AFG2A: variants seen among roughly 807,000 people sequenced by gnomAD.
AFG2A encodes the protein ATPase family gene 2 protein homolog A.
the AFG2A span, among the ~76,000 whole-genome samples, chr4:123,189,256 A>G: frequency 6.6e-6 from 1 of 151,952 alleles, no homozygotes; most frequent in African/African-American, 2.4e-5. Flanking sequence ...TTTTATAGGA[A>G]CTCTTTTTCA....
the AFG2A span, among the ~76,000 whole-genome samples, chr4:123,023,524 C>G: frequency 6.6e-6 from 1 of 152,182 alleles, no homozygotes; most frequent in Middle Eastern, 3.2e-3. Flanking sequence ...ATATTTCCTT[C>G]TAACTCTTTC....
the AFG2A span, among the ~76,000 whole-genome samples, chr4:123,109,140 A>G: frequency 2.6e-5 from 4 of 152,148 alleles, no homozygotes; most frequent in African/African-American, 9.7e-5. Flanking sequence ...GAAGTGGTAT[A>G]TGTGTGTCGG....
the AFG2A span, among the ~76,000 whole-genome samples, chr4:123,023,631 C>T: frequency 1.3e-5 from 2 of 152,130 alleles, no homozygotes; most frequent in Non-Finnish European, 2.9e-5. Flanking sequence ...CCTTGATAGT[C>T]ATATAAATTC....
At chr4:122,940,370 C>T in the AFG2A span, among the ~76,000 whole-genome samples, 1 of 152,162 alleles carries the variant, frequency 6.6e-6, no homozygotes, top group Non-Finnish European at 1.5e-5. Flanking sequence ...ATTTGCATTT[C>T]TCTGATGGCC....
At chr4:123,192,237 G>T in the AFG2A span, among the ~76,000 whole-genome samples, 1 of 152,102 alleles carries the variant, frequency 6.6e-6, no homozygotes, top group African/African-American at 2.4e-5. Context: ...ATGTTGGCCA[G>T]GCTGGTGTCT....
chr4:123,275,539 T>TTTGA, the AFG2A span, among the ~76,000 whole-genome samples: 1 of 152,124 alleles, frequency 6.6e-6, no homozygotes, highest in Non-Finnish European at 1.5e-5. Flanking sequence ...TGCAGGTTTG[T>TTTGA]TACATAGGTA....
the AFG2A span, among the ~76,000 whole-genome samples, chr4:123,149,230 T>G: frequency 6.6e-6 from 1 of 152,100 alleles, no homozygotes; most frequent in Admixed American, 6.5e-5. Flanking sequence ...CTAGATAAGA[T>G]GAGTCTTTGC....
chr4:123,193,918 C>T, the AFG2A span, among the ~76,000 whole-genome samples: 2 of 151,954 alleles, frequency 1.3e-5, no homozygotes, highest in Admixed American at 6.6e-5. Flanking sequence ...GACAAGAGGG[C>T]TTTAAAATGT....
chr4:123,275,572 A>C, the AFG2A span, among the ~76,000 whole-genome samples: 3 of 152,002 alleles, frequency 2.0e-5, no homozygotes, highest in Admixed American at 6.6e-5. Context: ...TGGGGGTTTC[A>C]TGTACAGATC....
chr4:123,204,711 A>G, the AFG2A span, among the ~76,000 whole-genome samples: 1 of 152,212 alleles, frequency 6.6e-6, no homozygotes, highest in Non-Finnish European at 1.5e-5. Flanking sequence ...ACAGTCATGA[A>G]TATCTCATAG....
At chr4:123,016,426 C>T in the AFG2A span, among the ~76,000 whole-genome samples, 18 of 146,342 alleles carry the variant, frequency 1.2e-4, no homozygotes, top group East Asian at 2.1e-4. Context: ...GGCAGAGACG[C>T]TCCTCACCTC....
the AFG2A span, among the ~76,000 whole-genome samples, chr4:123,149,762 A>T: frequency 1.6e-3 from 241 of 150,124 alleles, 1 homozygote; most frequent in Non-Finnish European, 2.5e-3. Flanking sequence ...AACATTTAAA[A>T]CTTTTGAATT....
chr4:123,119,579 C>T, the AFG2A span, among the ~76,000 whole-genome samples: 1 of 152,086 alleles, frequency 6.6e-6, no homozygotes, highest in East Asian at 1.9e-4. Context: ...CATTTTCAAA[C>T]TTGTTTATTC....
At chr4:123,138,655 T>G in the AFG2A span, among the ~76,000 whole-genome samples, 1 of 152,108 alleles carries the variant, frequency 6.6e-6, no homozygotes, top group Admixed American at 6.5e-5. Context: ...TAATTATCTA[T>G]TTTTTGTAAT....
At chr4:122,953,621 G>A in the AFG2A span, among the ~76,000 whole-genome samples, 9 of 152,326 alleles carry the variant, frequency 5.9e-5, no homozygotes, top group East Asian at 1.7e-3. Context: ...TGAACCTGAG[G>A]CTCCTTAGTG....
At chr4:123,199,282 A>G in the AFG2A span, among the ~76,000 whole-genome samples, 1 of 152,116 alleles carries the variant, frequency 6.6e-6, no homozygotes, top group Non-Finnish European at 1.5e-5. Flanking sequence ...TTAAATATAA[A>G]ATAATGTTAA....
the AFG2A span, among the ~76,000 whole-genome samples, chr4:123,141,257 T>G: frequency 6.6e-6 from 1 of 152,214 alleles, no homozygotes; most frequent in Non-Finnish European, 1.5e-5. Context: ...TCCCAGTTGT[T>G]CTGGGTGCTT....
chr4:123,316,284 CAATT>C, the AFG2A span: 4 of 152,120 alleles, frequency 2.6e-5, no homozygotes, highest in Non-Finnish European at 4.4e-5. Flanking sequence ...AAATTAATTA[CAATT>C]AAATAATATT....
the AFG2A span, among the ~76,000 whole-genome samples, chr4:122,937,867 CTCTTA>C: frequency 6.6e-6 from 1 of 152,070 alleles, no homozygotes; most frequent in Non-Finnish European, 1.5e-5. Flanking sequence ...TCTTAAGAGA[CTCTTA>C]TCTTTTAAGC....
Sources: gnomAD v4.1 joint callset for allele counts (sites outside exome capture counted in the v4.1 genomes callset) on GRCh38, gnomAD v4.1.1 for gene constraint, MANE v1.5 for transcripts, NCBI Gene and HGNC (gene_info 2026-07-23, HGNC 2026-07-21) for gene names.